Variants in DMD observed in about 807,000 individuals in gnomAD.
The protein encoded by DMD is dystrophin.
DMD carries 63 observed loss-of-function variants against 330.1 expected under a neutral mutation model. The observed-to-expected ratio is 0.19, with a 90% CI of 0.16 to 0.24. DMD has a LOEUF of 0.24. Ranked by LOEUF, DMD falls within the 10% of genes least tolerant of loss-of-function variation. DMD has a pLI of 1.00. For synonymous variants in DMD, 1,223 were observed against 959.8 expected, an observed-to-expected ratio of 1.27 and a Z score of -5.07; for missense variants, 3,344 against 2,684.1, an observed-to-expected ratio of 1.25 and a Z score of -5.43.
chrX:33,311,052 A>G (rs1482821015), intron 1 of DMD, among the ~76,000 whole-genome samples: 1 of 110,501 alleles, frequency 9.0e-6, no homozygotes, highest in Non-Finnish European at 1.9e-5. Context: ...TCATAATTTT[A>G]TAAATATACA....
intron 7 of DMD, among the ~76,000 whole-genome samples, chrX:32,728,830 T>C (rs1275888744): frequency 3.6e-5 from 4 of 112,133 alleles, no homozygotes; most frequent in Non-Finnish European, 7.5e-5. Flanking sequence ...CTTTCCACAG[T>C]TCTTAAACTG....
At chrX:32,688,826 T>C (rs1293130325) in intron 9 of DMD, among the ~76,000 whole-genome samples, 2 of 111,807 alleles carry the variant, frequency 1.8e-5, no homozygotes, top group African/African-American at 6.5e-5. Context: ...TAAACATGAA[T>C]AGAATAATTC....
At chrX:31,188,263 G>A (rs1266326397) in intron 67 of DMD, among the ~76,000 whole-genome samples, 2 of 111,666 alleles carry the variant, frequency 1.8e-5, no homozygotes, top group African/African-American at 6.5e-5. Flanking sequence ...TGGCAATGAA[G>A]AAGGAAAGAA....
At chrX:31,586,317 G>A (rs1051381693) in intron 55 of DMD, among the ~76,000 whole-genome samples, 17 of 112,424 alleles carry the variant, frequency 1.5e-4, no homozygotes, top group Non-Finnish European at 2.3e-4. Context: ...ACTGAAAATG[G>A]CTGAAGAGAA....
At chrX:31,988,465 C>G (rs887614834) in intron 44 of DMD, among the ~76,000 whole-genome samples, 3 of 55,672 alleles carry the variant, frequency 5.4e-5, no homozygotes, top group African/African-American at 2.7e-4. Context: ...CAGAGTGAGA[C>G]TCCATCTCAA....
intron 44 of DMD, among the ~76,000 whole-genome samples, chrX:32,060,211 G>C (rs748860210): frequency 9.0e-6 from 1 of 111,570 alleles, no homozygotes; most frequent in South Asian, 3.7e-4. Context: ...TAAATTCTTT[G>C]TTGCATTATA....
chrX:32,271,271 A>G (rs1384092958), intron 43 of DMD, among the ~76,000 whole-genome samples: 2 of 112,571 alleles, frequency 1.8e-5, no homozygotes, highest in Non-Finnish European at 1.9e-5. Flanking sequence ...AATTTATTCA[A>G]ACATATAAAT....
chrX:31,394,593 G>A (rs180829495), intron 60 of DMD, among the ~76,000 whole-genome samples: 23 of 110,506 alleles, frequency 2.1e-4, no homozygotes, highest in Admixed American at 6.8e-4. Flanking sequence ...CAGGAGTTTC[G>A]GAACAGCCTG....
intron 1 of DMD, among the ~76,000 whole-genome samples, chrX:33,177,835 T>C (rs188327703): frequency 1.8e-5 from 2 of 112,212 alleles, no homozygotes; most frequent in East Asian, 5.6e-4. Flanking sequence ...AAACTTGATA[T>C]CTGTTGACAA....
chrX:33,202,981 G>C (rs2051365530), intron 1 of DMD, among the ~76,000 whole-genome samples: 1 of 111,423 alleles, frequency 9.0e-6, no homozygotes, highest in Non-Finnish European at 1.9e-5. Context: ...AAAGCTAACT[G>C]ATAAGTACAT....
intron 22 of DMD, among the ~76,000 whole-genome samples, chrX:32,471,775 T>A (rs2040656014): frequency 9.0e-6 from 1 of 111,712 alleles, no homozygotes; most frequent in African/African-American, 3.3e-5. Flanking sequence ...TCCCCATGGA[T>A]ACGAAGGGAT....
At chrX:31,632,299 A>G in intron 54 of DMD, among the ~76,000 whole-genome samples, 1 of 111,951 alleles carries the variant, frequency 8.9e-6, no homozygotes, top group Non-Finnish European at 1.9e-5. Flanking sequence ...CCATTCTACT[A>G]TTAGATATAT....
intron 69 of DMD, among the ~76,000 whole-genome samples, chrX:31,179,641 A>T (rs2040945713): frequency 8.9e-6 from 1 of 111,854 alleles, no homozygotes; most frequent in African/African-American, 3.2e-5. Flanking sequence ...CCTGTCTTTA[A>T]TTCTTAGGCA....
chrX:31,796,028 T>G (rs185567380), intron 50 of DMD, among the ~76,000 whole-genome samples: 297 of 111,985 alleles, frequency 2.7e-3, no homozygotes, highest in African/African-American at 9.1e-3. Flanking sequence ...ATACCCTAGA[T>G]AGACTAGTAG....
chrX:31,737,278 G>T (rs1381480720), intron 51 of DMD, among the ~76,000 whole-genome samples: 4 of 112,384 alleles, frequency 3.6e-5, no homozygotes, highest in Non-Finnish European at 7.5e-5. Flanking sequence ...CTATATGATA[G>T]TATGATATAA....
chrX:32,480,557 A>G (rs1433481144), intron 21 of DMD, among the ~76,000 whole-genome samples: 4 of 111,263 alleles, frequency 3.6e-5, no homozygotes, highest in Non-Finnish European at 7.6e-5. Context: ...GTGTGTATAT[A>G]CACAATATTT....
intron 2 of DMD, among the ~76,000 whole-genome samples, chrX:32,953,126 C>A (rs1472625839): frequency 2.3e-4 from 21 of 92,705 alleles, no homozygotes; most frequent in African/African-American, 8.6e-4. Context: ...CAGAGCAAGA[C>A]TCCACCAAAA....
chrX:32,125,808 T>C (rs1324431266), intron 44 of DMD, among the ~76,000 whole-genome samples: 1 of 111,976 alleles, frequency 8.9e-6, no homozygotes, highest in Non-Finnish European at 1.9e-5. Flanking sequence ...TGCTAGATTG[T>C]AAAAGTCAAG....
chrX:32,415,631 C>T (rs1022816775), intron 29 of DMD, among the ~76,000 whole-genome samples: 3 of 112,172 alleles, frequency 2.7e-5, no homozygotes, highest in African/African-American at 9.7e-5. Context: ...TACTGTTCCG[C>T]TGTTGTTTTA....
Sources: allele counts gnomAD v4.1 joint callset (sites outside exome capture counted in the v4.1 genomes callset), GRCh38; gene constraint gnomAD v4.1.1; transcripts MANE v1.5; gene names NCBI Gene and HGNC (gene_info 2026-07-23, HGNC 2026-07-21).